SHISA9: variants seen among roughly 807,000 people sequenced by gnomAD.
SHISA9 encodes the protein shisa family member 9, also known as protein shisa-9.
SHISA9 carries 13 observed loss-of-function variants against 38.0 expected under a neutral mutation model. That is an observed-to-expected ratio of 0.34 (90% confidence interval 0.22 to 0.54). The LOEUF is 0.54. Among genes scored for constraint, SHISA9 ranks in the 20% least tolerant of loss-of-function variants. SHISA9 has a pLI of 0.91. For synonymous variants in SHISA9, 275 were observed against 242.0 expected (o/e 1.14, Z -1.27); for missense variants, 538 against 575.8 (o/e 0.93, Z 0.67).
chr16:13,367,653 C>CG, the SHISA9 span, among the ~76,000 whole-genome samples: 12 of 143,342 alleles, frequency 8.4e-5, 2 homozygotes, highest in South Asian at 4.3e-4. Flanking sequence ...AAGTAGGATG[C>CG]GGGGGGGAAT....
intron 2 of SHISA9, among the ~76,000 whole-genome samples, chr16:13,172,651 C>T (rs1253722027): frequency 6.6e-6 from 1 of 151,650 alleles, no homozygotes; most frequent in African/African-American, 2.4e-5. Context: ...CTTCCAGCAA[C>T]AATGTCAGCC....
the SHISA9 span, among the ~76,000 whole-genome samples, chr16:13,487,538 G>A: frequency 1.3e-5 from 2 of 152,164 alleles, no homozygotes; most frequent in Admixed American, 1.3e-4. Flanking sequence ...CCAAGGGGAC[G>A]GCCCAAGCCT....
chr16:13,506,870 A>G, the SHISA9 span, among the ~76,000 whole-genome samples: 13 of 152,018 alleles, frequency 8.6e-5, no homozygotes, highest in Non-Finnish European at 1.8e-4. Context: ...CCCCATCTCT[A>G]TTAAAAATTT....
chr16:13,339,639 A>G, the SHISA9 span, among the ~76,000 whole-genome samples: 1 of 152,120 alleles, frequency 6.6e-6, no homozygotes, highest in Admixed American at 6.5e-5. Context: ...GTTTTGAGAA[A>G]GAGGTGTGGA....
At chr16:13,290,710 C>T in the SHISA9 span, among the ~76,000 whole-genome samples, 2 of 152,064 alleles carry the variant, frequency 1.3e-5, no homozygotes, top group Admixed American at 1.3e-4. Context: ...TGGTAAAATC[C>T]TTGGGCTCCT....
the SHISA9 span, among the ~76,000 whole-genome samples, chr16:13,441,149 A>T: frequency 6.6e-6 from 1 of 152,224 alleles, no homozygotes; most frequent in East Asian, 1.9e-4. Context: ...AATACACGCA[A>T]ACTGTGCTTA....
the SHISA9 span, among the ~76,000 whole-genome samples, chr16:13,354,101 G>T: frequency 6.7e-6 from 1 of 149,620 alleles, no homozygotes; most frequent in African/African-American, 2.5e-5. Flanking sequence ...CCAGTCCTGG[G>T]TGGGGCAAAT....
intron 1 of SHISA9, among the ~76,000 whole-genome samples, chr16:12,905,552 G>T (rs2071081071): frequency 6.6e-6 from 1 of 151,976 alleles, no homozygotes; most frequent in South Asian, 2.1e-4. Context: ...AATTAATCCA[G>T]GAGAAAGGAG....
the SHISA9 span, among the ~76,000 whole-genome samples, chr16:13,356,413 T>G: frequency 6.6e-6 from 1 of 152,114 alleles, no homozygotes; most frequent in Non-Finnish European, 1.5e-5. Context: ...TGATTTGGGA[T>G]AAAGAAAAAG....
chr16:13,213,855 T>C (rs2051143239), intron 4 of SHISA9, among the ~76,000 whole-genome samples: 1 of 152,198 alleles, frequency 6.6e-6, no homozygotes, highest in Non-Finnish European at 1.5e-5. Context: ...GTGGCAGCTA[T>C]CATTAATTAG....
the SHISA9 span, among the ~76,000 whole-genome samples, chr16:13,549,753 G>T: frequency 6.6e-6 from 1 of 152,046 alleles, no homozygotes; most frequent in Non-Finnish European, 1.5e-5. Flanking sequence ...GGCCAGGTGT[G>T]GTGGCTCACA....
At chr16:13,313,640 T>A in the SHISA9 span, among the ~76,000 whole-genome samples, 1 of 152,226 alleles carries the variant, frequency 6.6e-6, no homozygotes, top group African/African-American at 2.4e-5. Context: ...ACATTGTTTA[T>A]GAATAGTCTG....
chr16:13,155,579 T>TTG (rs560020069), intron 2 of SHISA9, among the ~76,000 whole-genome samples: 1,901 of 141,340 alleles, frequency 0.013, 24 homozygotes, highest in South Asian at 0.027. Flanking sequence ...GTGTGTTTGT[T>TTG]TGTGTGTGTG....
At chr16:13,075,950 C>A (rs1311649493) in intron 2 of SHISA9, among the ~76,000 whole-genome samples, 1 of 152,110 alleles carries the variant, frequency 6.6e-6, no homozygotes, top group Non-Finnish European at 1.5e-5. Context: ...CACACCCCAG[C>A]TCGGTTGTGA....
chr16:13,114,480 A>AAAAAAAAAAAAC (rs2074011264), intron 2 of SHISA9, among the ~76,000 whole-genome samples: 1 of 147,454 alleles, frequency 6.8e-6, no homozygotes, highest in Non-Finnish European at 1.5e-5. Flanking sequence ...AAAAAAAAAA[A>AAAAAAAAAAAAC]AAAAAAAAGA....
At chr16:13,179,673 C>G (rs557062326) in intron 2 of SHISA9, among the ~76,000 whole-genome samples, 1 of 152,278 alleles carries the variant, frequency 6.6e-6, no homozygotes, top group East Asian at 1.9e-4. Flanking sequence ...GTGGGAAAGG[C>G]AAAGGTTCTC....
chr16:13,137,941 G>A (rs927417136), intron 2 of SHISA9, among the ~76,000 whole-genome samples: 1 of 152,146 alleles, frequency 6.6e-6, no homozygotes, highest in Non-Finnish European at 1.5e-5. Flanking sequence ...CTAAGCGCAA[G>A]TAGATTCCCA....
intron 2 of SHISA9, among the ~76,000 whole-genome samples, chr16:13,161,837 G>C (rs2050597808): frequency 6.6e-6 from 1 of 152,116 alleles, no homozygotes; most frequent in African/African-American, 2.4e-5. Context: ...GAAATGGAAA[G>C]TTTCTAAAGA....
At chr16:13,299,952 C>T in the SHISA9 span, among the ~76,000 whole-genome samples, 2 of 152,088 alleles carry the variant, frequency 1.3e-5, no homozygotes, top group African/African-American at 4.8e-5. Context: ...TGAGATAGTG[C>T]ACATGAAGTG....
Sources: gnomAD v4.1 joint callset for allele counts (sites outside exome capture counted in the v4.1 genomes callset) on GRCh38, gnomAD v4.1.1 for gene constraint, MANE v1.5 for transcripts, NCBI Gene and HGNC (gene_info 2026-07-23, HGNC 2026-07-21) for gene names.